ATP2C2: variants seen among roughly 807,000 people sequenced by gnomAD.
ATP2C2 encodes ATPase secretory pathway Ca2+ transporting 2, also known as calcium-transporting ATPase type 2C member 2.
In ATP2C2, 171 loss-of-function variants were observed where a neutral mutation model predicts 110.8. The observed-to-expected ratio is 1.54, with a 90% CI of 1.36 to 1.75. ATP2C2 has a LOEUF of 1.75. ATP2C2 is among the 40% of genes most tolerant of loss of function. ATP2C2 has a pLI of 0.00. For synonymous variants in ATP2C2, 804 were observed against 508.4 expected, an observed-to-expected ratio of 1.58 and a Z score of -7.82; for missense variants, 1,963 against 1,235.0, an observed-to-expected ratio of 1.59 and a Z score of -8.84.
At chr16:84,388,803 C>T (rs369998301) in intron 1 of ATP2C2, among the ~76,000 whole-genome samples, 20 of 152,228 alleles carry the variant, frequency 1.3e-4, no homozygotes, top group East Asian at 1.2e-3. Context: ...GATGGAGTCT[C>T]GCTCTGTTGC....
In ATP2C2 at chr16:84,454,896, A is replaced by G; in HGVS notation, c.2059A>G (p.Ile687Val). ...NDAVALKSAD[I>V]GIAMGQTGTD... ...CGCAGTGGCCCTGAAGTCTGCAGAC[A>G]TTGGGATCGCCATGGGGCAGACAGG... Residue 687 changes from isoleucine (I) to valine (V), a missense_variant, in exon 21 of 27, where the codon ATT (isoleucine) becomes GTT (valine). Physicochemically the swap from Ile to Val is conservative, Grantham distance 29. Transcript: ENST00000262429. 3 of 1,614,074 alleles carry G rather than the reference A, an allele frequency of 1.9e-6. No homozygotes were observed. Among genetic ancestry groups the G allele is most frequent in the Non-Finnish European group, 2.5e-6 (3 of 1,179,974 alleles).
intron 21 of ATP2C2, among the ~76,000 whole-genome samples, chr16:84,458,339 T>C (rs1269640284): frequency 2.1e-3 from 2 of 936 alleles, no homozygotes; most frequent in Non-Finnish European, 0.014. Context: ...CTCTGGGGAC[T>C]GTGGTGGGGT....
chr16:84,463,751 A>G lies in ATP2C2; in HGVS notation c.*19A>G, dbSNP rs770258237. On this transcript the variant is annotated 3_prime_UTR_variant, in exon 27 of 27. Coordinates refer to ENST00000262429, the MANE Select transcript of ATP2C2 (RefSeq NM_014861.4). ...TGTGTAGTGGACCGCACTCCGCGGCACCTTCCCTAATCATCTCGATCTGGT... is the reference window on the plus strand; with the variant it reads ...TGTGTAGTGGACCGCACTCCGCGGCGCCTTCCCTAATCATCTCGATCTGGT... 3 of 1,584,808 alleles carry G rather than the reference A, an allele frequency of 1.9e-6. No homozygotes were observed. The highest frequency in any genetic ancestry group is 2.2e-5 in the East Asian group (1 of 44,754).
rs908555611 is a variant in ATP2C2 at position 84,422,498 on chromosome 16, A to G, written c.733A>G (p.Ile245Val). The G allele has an allele frequency of 3.1e-6, 5 of 1,613,942 alleles. No homozygotes were observed. The highest frequency in any genetic ancestry group is 3.4e-6 in the Non-Finnish European group (4 of 1,180,020). ...GGGDLTTLSNIVFMGTLVQYG... is the reference protein window; with the variant it reads ...GGGDLTTLSNVVFMGTLVQYG... ...TGGGGACCTCACCACCCTCAGCAAC[A>G]TCGTCTTCATGGGGACCCTGGTGCA... The change falls in exon 8 of 27, where the codon ATC becomes GTC. Residue 245 changes from isoleucine (I) to valine (V), a missense_variant. Physicochemically the swap from Ile to Val is conservative, Grantham distance 29 (BLOSUM62 3). Transcript: ENST00000262429.
intron 21 of ATP2C2, among the ~76,000 whole-genome samples, chr16:84,456,454 C>G (rs1397257788): frequency 1.4e-5 from 2 of 142,684 alleles, no homozygotes; most frequent in East Asian, 2.1e-4. Flanking sequence ...CCCTCTCTCA[C>G]CGCTCCTATT....
chr16:84,448,663 A>C lies in ATP2C2; in HGVS notation c.1634A>C (p.Lys545Thr), dbSNP rs926742835. ...AGGTCATTCTGCCTGCAGGAAGAGA[A>C]GAGGATGGGGTCGCTCGGTTTGCGG... ...QQRSFCLQEE[K>T]RMGSLGLRVL... The change falls in exon 17 of 27, where the codon AAG becomes ACG. Residue 545 changes from lysine to threonine, a missense_variant. Lys to Thr is a moderately conservative substitution (Grantham distance 78). Coordinates refer to ENST00000262429, the MANE Select transcript of ATP2C2 (RefSeq NM_014861.4). The C allele has an allele frequency of 5.1e-5, 83 of 1,613,746 alleles. No individual in the cohort carries two copies. Among genetic ancestry groups the C allele is most frequent in the Non-Finnish European group, 6.9e-5 (82 of 1,179,888 alleles).
chr16:84,368,830 C>T (rs1909785358), intron 1 of ATP2C2, 116 bp downstream of exon 1: 3 of 887,030 alleles, frequency 3.4e-6, no homozygotes, highest in Non-Finnish European at 5.1e-6. Flanking sequence ...TCGCCCTCCT[C>T]CCCTGGCTCT....
intron 26 of ATP2C2, 28 bp from the exon 27 acceptor site, chr16:84,463,586 G>T (rs1158429759): frequency 6.3e-7 from 1 of 1,590,016 alleles, no homozygotes; most frequent in South Asian, 1.1e-5. Context: ...AGCCCGTCCT[G>T]AATCTTTTCT....
At position 84,461,823 on chromosome 16, in the gene ATP2C2, G is replaced by C; in HGVS notation, c.2580+11G>C. 6.2e-7 allele frequency: 1 copy of C among 1,612,842 alleles called. No individual in the cohort carries two copies. Among genetic ancestry groups the C allele is most frequent in the Non-Finnish European group, 8.5e-7 (1 of 1,178,802 alleles). On this transcript the variant is annotated intron_variant, in intron 25 of 26. Coordinates refer to ENST00000262429, the MANE Select transcript of ATP2C2 (RefSeq NM_014861.4). ...ACCTGCCGCTCTCAGGTGAGACCCG[G>C]GCTGACCCTCCTCGCTGCAGAGCTG...
At chr16:84,452,170 C>G in intron 18 of ATP2C2, 79 bp downstream of exon 18, 1 of 1,561,380 alleles carries the variant, frequency 6.4e-7, no homozygotes, top group South Asian at 1.2e-5. Flanking sequence ...CAAAGGGAAG[C>G]CTCCGCAAAC....
At position 84,398,624 on chromosome 16, in the gene ATP2C2, T is replaced by C; in HGVS notation, c.210+15T>C. ...GAGCGTTTTGTGTAAGAATTGAATT[T>C]GCATCTGGAGCTAATTGTGATAAGG... On this transcript the variant is annotated intron_variant, in intron 2 of 26. Transcript: ENST00000262429. The C allele has an allele frequency of 1.3e-6, 2 of 1,581,486 alleles. No homozygotes were observed. The highest frequency in any genetic ancestry group is 1.7e-6 in the Non-Finnish European group (2 of 1,155,742).
intron 16 of ATP2C2, among the ~76,000 whole-genome samples, chr16:84,447,713 T>TATTTAATATATATTTTTTACTATATATA (rs1909878832): frequency 6.9e-6 from 1 of 145,460 alleles, no homozygotes; most frequent in African/African-American, 2.5e-5. Flanking sequence ...TAATATATAT[T>TATTTAATATATATTTTTTACTATATATA]ATAATTGTAT....
chr16:84,444,285 C>A (rs1909547734), intron 15 of ATP2C2, among the ~76,000 whole-genome samples: 3 of 150,848 alleles, frequency 2.0e-5, no homozygotes, highest in African/African-American at 7.3e-5. Flanking sequence ...CCAGCCTGGC[C>A]AACATGGTGA....
intron 1 of ATP2C2, among the ~76,000 whole-genome samples, chr16:84,374,300 T>A (rs1342463898): frequency 6.6e-6 from 1 of 152,328 alleles, no homozygotes; most frequent in East Asian, 1.9e-4. Flanking sequence ...TCTGAGCCAT[T>A]GAAGCTTTCA....
chr16:84,398,752 A>C, intron 2 of ATP2C2, 143 bp downstream of exon 2: 1 of 651,350 alleles, frequency 1.5e-6, no homozygotes, highest in East Asian at 3.1e-5. Context: ...GTTGATGTTG[A>C]ATGGTTCAGA....
intron 14 of ATP2C2, among the ~76,000 whole-genome samples, 176 bp downstream of exon 14, chr16:84,441,134 A>G (rs1909218712): frequency 6.6e-6 from 1 of 152,226 alleles, no homozygotes; most frequent in Admixed American, 6.5e-5. Context: ...GAGACATCAG[A>G]AGTAAGACGA....
rs2150602959 is a variant in ATP2C2, at chr16:84,462,020, G to C, written c.2613G>C (p.Arg871Ser). The change falls in exon 26 of 27, where the codon AGG becomes AGC. Residue 871 changes from arginine (R) to serine (S), a missense_variant. Physicochemically the swap from Arg to Ser is moderately radical, Grantham distance 110. Transcript: ENST00000262429. ...TKLIFEIGFL[R>S]NHMFLYSVLG... is the part of the protein sequence containing the mutation. ...TGATATTTGAGATCGGCTTTCTCAG[G>C]AACCACATGTTCCTCTACTCCGTCC... is the stretch of plus-strand genomic sequence containing the variant. The C allele has an allele frequency of 1.2e-6, 2 of 1,613,970 alleles. No homozygotes were observed. Among genetic ancestry groups the C allele is most frequent in the East Asian group, 4.5e-5 (2 of 44,872 alleles).
chr16:84,374,603 A>G (rs1037856753), intron 1 of ATP2C2, among the ~76,000 whole-genome samples: 3 of 152,144 alleles, frequency 2.0e-5, no homozygotes, highest in Admixed American at 2.0e-4. Flanking sequence ...CCCAACTAGA[A>G]GGAACTTCCA....
rs370976428 is a variant in ATP2C2, at chr16:84,462,056, C to T, written c.2649C>T (p.Ile883=). 2.5e-6 allele frequency: 4 copies of T among 1,613,984 alleles called. No homozygotes were observed. The African/African-American group carries it at 5.3e-5, about 22-fold the overall frequency. Residue 883 remains isoleucine, a synonymous_variant, in exon 26 of 27, where the codon ATC becomes ATT. Coordinates refer to ENST00000262429, the MANE Select transcript of ATP2C2 (RefSeq NM_014861.4). ...TCCTCTACTCCGTCCTGGGGTCCAT[C>T]CTGGGGCAGCTGGCGGTCATTTACA... ...HMFLYSVLGS[I]LGQLAVIYIP... is the part of the protein sequence containing the mutation.
Sources: gnomAD v4.1 joint callset for allele counts (sites outside exome capture counted in the v4.1 genomes callset) on GRCh38, gnomAD v4.1.1 for gene constraint, MANE v1.5 for transcripts, NCBI Gene and HGNC (gene_info 2026-07-23, HGNC 2026-07-21) for gene names.